The following GALNTL6 variants were observed in gnomAD, a reference collection of about 807,000 sequenced individuals.
The protein encoded by GALNTL6 is polypeptide N-acetylgalactosaminyltransferase-like 6.
GALNTL6 carries 46 observed loss-of-function variants against 73.7 expected under a neutral mutation model. The ratio of observed to expected loss-of-function variants is 0.62; its 90% CI spans 0.49 to 0.80. GALNTL6 has a LOEUF of 0.80. GALNTL6 is among the 30% of genes least tolerant of loss of function. The pLI, the probability that GALNTL6 is intolerant of heterozygous loss-of-function variation, is 0.00. For missense variants in GALNTL6, 604 were observed against 755.0 expected, an observed-to-expected ratio of 0.80 and a Z score of 2.34; for synonymous variants, 259 against 263.7, an observed-to-expected ratio of 0.98 and a Z score of 0.17.
chr4:172,595,348 T>C (rs1233720545), intron 5 of GALNTL6, among the ~76,000 whole-genome samples: 1 of 152,214 alleles, frequency 6.6e-6, no homozygotes, highest in Non-Finnish European at 1.5e-5. Flanking sequence ...ACCTGAGTCA[T>C]TACGAACTAG....
intron 2 of GALNTL6, among the ~76,000 whole-genome samples, chr4:171,876,889 G>A (rs1001383880): frequency 6.6e-6 from 1 of 152,144 alleles, no homozygotes; most frequent in East Asian, 1.9e-4. Flanking sequence ...TTTCAACCAC[G>A]TTTGGGTGAT....
intron 7 of GALNTL6, among the ~76,000 whole-genome samples, chr4:172,863,081 T>G (rs1560999639): frequency 6.6e-6 from 1 of 152,184 alleles, no homozygotes; most frequent in Non-Finnish European, 1.5e-5. Context: ...AGAACTCAGG[T>G]TTGGAAACTT....
At chr4:171,946,995 G>A (rs1738721406) in intron 2 of GALNTL6, among the ~76,000 whole-genome samples, 1 of 152,078 alleles carries the variant, frequency 6.6e-6, no homozygotes, top group Admixed American at 6.6e-5. Context: ...CTCATCTTTA[G>A]AAAATGGATT....
chr4:172,073,016 C>T (rs938590149), intron 2 of GALNTL6, among the ~76,000 whole-genome samples: 5 of 152,158 alleles, frequency 3.3e-5, no homozygotes, highest in South Asian at 2.1e-4. Context: ...CTCCTCTCTC[C>T]GTTTTGCTTT....
At chr4:172,357,010 A>G (rs895519818) in intron 5 of GALNTL6, among the ~76,000 whole-genome samples, 3 of 152,158 alleles carry the variant, frequency 2.0e-5, no homozygotes, top group African/African-American at 7.2e-5. Flanking sequence ...TAGGATCACA[A>G]CAATAACAGA....
intron 5 of GALNTL6, among the ~76,000 whole-genome samples, chr4:172,779,993 C>T (rs10866358): frequency 0.48 from 72,440 of 151,548 alleles, 18,587 homozygotes; most frequent in East Asian, 0.72. Flanking sequence ...TACGCCATTA[C>T]TTCACTACAT....
At chr4:171,973,069 A>G (rs747204818) in intron 2 of GALNTL6, among the ~76,000 whole-genome samples, 111 of 152,282 alleles carry the variant, frequency 7.3e-4, no homozygotes, top group South Asian at 3.5e-3. Context: ...TTCAGTTTCT[A>G]TCCTCCCTCC....
chr4:172,445,657 G>A (rs1196454391), intron 5 of GALNTL6, among the ~76,000 whole-genome samples: 1 of 152,018 alleles, frequency 6.6e-6, no homozygotes, highest in Non-Finnish European at 1.5e-5. Flanking sequence ...AAACAATTAT[G>A]GTAGAGAGAG....
intron 3 of GALNTL6, among the ~76,000 whole-genome samples, chr4:172,309,406 G>T (rs1217639153): frequency 1.2e-5 from 1 of 82,612 alleles, no homozygotes; most frequent in African/African-American, 3.7e-5. Flanking sequence ...AATCTCTAAA[G>T]ATTTTTAAAA....
chr4:172,285,572 T>G (rs1288387076), intron 3 of GALNTL6, among the ~76,000 whole-genome samples: 1 of 152,176 alleles, frequency 6.6e-6, no homozygotes, highest in African/African-American at 2.4e-5. Flanking sequence ...TTTAAGTCTG[T>G]CAAGCGCATT....
At chr4:172,014,519 C>A (rs1741124458) in intron 2 of GALNTL6, among the ~76,000 whole-genome samples, 1 of 151,826 alleles carries the variant, frequency 6.6e-6, no homozygotes, top group Non-Finnish European at 1.5e-5. Context: ...TTGTGTTTCT[C>A]TTTTTTGTTG....
chr4:171,849,219 G>A (rs1735454849), intron 2 of GALNTL6, among the ~76,000 whole-genome samples: 1 of 152,092 alleles, frequency 6.6e-6, no homozygotes, highest in Non-Finnish European at 1.5e-5. Context: ...GCCGTTGCAG[G>A]GTTCTAAACT....
chr4:172,356,990 C>T (rs1742183823), intron 5 of GALNTL6, among the ~76,000 whole-genome samples: 1 of 151,976 alleles, frequency 6.6e-6, no homozygotes, highest in East Asian at 1.9e-4. Context: ...ATTTATTACC[C>T]ATTTTTCCTT....
chr4:171,955,990 T>G (rs564937823), intron 2 of GALNTL6, among the ~76,000 whole-genome samples: 2 of 133,374 alleles, frequency 1.5e-5, no homozygotes, highest in South Asian at 4.9e-4. Context: ...TATTTGTTAC[T>G]TACTAATTTG....
intron 2 of GALNTL6, among the ~76,000 whole-genome samples, chr4:172,141,606 T>G (rs557230175): frequency 1.1e-3 from 163 of 151,810 alleles, no homozygotes; most frequent in African/African-American, 3.8e-3. Flanking sequence ...ACTCGTCAAT[T>G]AAAAGAAAAT....
At chr4:172,352,345 T>C (rs1233700902) in intron 5 of GALNTL6, among the ~76,000 whole-genome samples, 4 of 152,160 alleles carry the variant, frequency 2.6e-5, no homozygotes, top group Admixed American at 6.6e-5. Context: ...CTATAAAACA[T>C]GAAGGTAAAG....
At chr4:172,715,205 T>C (rs1043159196) in intron 5 of GALNTL6, among the ~76,000 whole-genome samples, 8 of 152,224 alleles carry the variant, frequency 5.3e-5, no homozygotes, top group African/African-American at 1.9e-4. Flanking sequence ...AAAACTCTTA[T>C]GGACATTGTC....
intron 5 of GALNTL6, among the ~76,000 whole-genome samples, chr4:172,403,341 G>A (rs543017872): frequency 6.6e-6 from 1 of 152,062 alleles, no homozygotes; most frequent in East Asian, 1.9e-4. Context: ...TGTTCCCTTT[G>A]AGAATCAGAA....
chr4:171,852,064 A>G (rs531437402), intron 2 of GALNTL6, among the ~76,000 whole-genome samples: 1 of 152,356 alleles, frequency 6.6e-6, no homozygotes, highest in Admixed American at 6.5e-5. Flanking sequence ...GCAAAAAAAT[A>G]GTAAAGAACA....
Sources: allele counts gnomAD v4.1 joint callset (sites outside exome capture counted in the v4.1 genomes callset), GRCh38; gene constraint gnomAD v4.1.1; transcripts MANE v1.5; gene names NCBI Gene and HGNC (gene_info 2026-07-23, HGNC 2026-07-21).